Variants in VPS13D observed in about 807,000 individuals in gnomAD.
The protein encoded by VPS13D is vacuolar protein sorting 13 homolog D, also known as intermembrane lipid transfer protein VPS13D.
In VPS13D, 187 loss-of-function variants were observed where a neutral mutation model predicts 461.9. The ratio of observed to expected loss-of-function variants is 0.40; its 90% CI spans 0.36 to 0.46. The LOEUF is 0.46. VPS13D is among the 20% of genes least tolerant of loss of function. The pLI, the probability that VPS13D is intolerant of heterozygous loss-of-function variation, is 0.60. For synonymous variants in VPS13D, 1,951 were observed against 1,986.3 expected (o/e 0.98, Z 0.47); for missense variants, 4,711 against 5,364.9 (o/e 0.88, Z 3.81).
At chr1:12,439,337 G>A (rs1004052375) in intron 65 of VPS13D, among the ~76,000 whole-genome samples, 1 of 152,012 alleles carries the variant, frequency 6.6e-6, no homozygotes, top group Non-Finnish European at 1.5e-5. Context: ...TGCACTCAGT[G>A]TTCTCTTCCT....
chr1:12,484,199 C>T (rs1645765104), intron 67 of VPS13D, among the ~76,000 whole-genome samples: 1 of 152,180 alleles, frequency 6.6e-6, no homozygotes. Context: ...TGCCTGGAGG[C>T]AGGGACCTGC....
In VPS13D at chr1:12,276,891, G is replaced by C. The variant is rs1641631493; in HGVS notation, c.3303G>C (p.Gln1101His). 1 of 1,614,170 alleles carries C rather than the reference G, an allele frequency of 6.2e-7. No individual in the cohort carries two copies. Among genetic ancestry groups the C allele is most frequent in the African/African-American group, 1.3e-5 (1 of 75,046 alleles). ...CGATGAATTTAGACAGTACTCTTCA[G>C]GTGATTTCCCTACAGGTGAATAATT... ...CPSMNLDSTL[Q>H]VISLQVNNLD... The change falls in exon 19 of 70, where the codon CAG (glutamine) becomes CAC (histidine). Residue 1101 changes from glutamine to histidine, a missense_variant. By Grantham distance (24) the Gln-to-His change is conservative (BLOSUM62 0). Transcript: ENST00000620676. The surrounding 1 kb of genome is among the most constrained non-coding windows in gnomAD (Gnocchi z 4.5).
At position 12,301,377 on chromosome 1, in the gene VPS13D, A is replaced by G. The variant is rs564833385; in HGVS notation, c.6216+1993A>G. ...TAGCTATAAGCTTGGGGTTCCCACA[A>G]TGCCTCCTGAGGTTCAGTAATTTGC... On this transcript the variant is annotated intron_variant, in intron 25 of 69. Coordinates refer to ENST00000620676, the MANE Select transcript of VPS13D (RefSeq NM_015378.4). 3.1e-4 allele frequency among the ~76,000 whole-genome samples: 47 copies of G among 152,312 alleles called. No homozygotes were observed. In the South Asian group the frequency reaches 5.6e-3, roughly 18 times the overall value.
chr1:12,249,915 C>A (rs933058107), intron 6 of VPS13D, among the ~76,000 whole-genome samples: 6 of 152,132 alleles, frequency 3.9e-5, no homozygotes, highest in African/African-American at 1.4e-4. Context: ...TTACTGCAGA[C>A]CCCGCTGGGT....
intron 7 of VPS13D, 31 bp from the exon 8 acceptor site, chr1:12,256,302 G>A (rs574702937): frequency 3.1e-5 from 50 of 1,597,624 alleles, no homozygotes; most frequent in Middle Eastern, 2.1e-4. Flanking sequence ...AAAGCCATTC[G>A]GAGCAGAGCA....
rs891665965 is a variant in VPS13D, at chr1:12,346,739, G to A, written c.9069+87G>A. 5.4e-6 allele frequency: 7 copies of A among 1,302,924 alleles called. No homozygotes were observed. The African/African-American group carries it at 1.1e-4, about 20-fold the overall frequency. 80.7% of individuals were successfully genotyped at this position (1,302,924 alleles called of 1,614,324 possible). A position where few individuals can be genotyped will look rare whatever the true frequency, so the allele number is the denominator to read the frequency against. ...GTGGATATACATTTCTTAATGATCAGAGAAACTTTATGACATATATGCGAT... is the reference window on the plus strand; with the variant it reads ...GTGGATATACATTTCTTAATGATCAAAGAAACTTTATGACATATATGCGAT... On this transcript the variant is annotated intron_variant, in intron 44 of 69. Coordinates refer to ENST00000620676, the MANE Select transcript of VPS13D (RefSeq NM_015378.4).
intron 62 of VPS13D, 111 bp downstream of exon 62, chr1:12,401,815 C>A: frequency 1.3e-6 from 1 of 776,582 alleles, no homozygotes; most frequent in Non-Finnish European, 2.1e-6. Context: ...TCCCTTTCCA[C>A]ATCTCAGCCT....
chr1:12,306,195 A>G (rs1642560151), intron 26 of VPS13D, among the ~76,000 whole-genome samples: 1 of 152,184 alleles, frequency 6.6e-6, no homozygotes, highest in Non-Finnish European at 1.5e-5. Context: ...CGTGTTAGCC[A>G]GGATGGTCTC....
At chr1:12,444,051 G>A (rs951691714) in intron 65 of VPS13D, among the ~76,000 whole-genome samples, 1 of 151,968 alleles carries the variant, frequency 6.6e-6, no homozygotes, top group African/African-American at 2.4e-5. Flanking sequence ...CACCATGTTG[G>A]CCAGGCTGGT....
At chr1:12,303,015 C>T (rs1424303769) in intron 25 of VPS13D, among the ~76,000 whole-genome samples, 1 of 152,078 alleles carries the variant, frequency 6.6e-6, no homozygotes, top group Non-Finnish European at 1.5e-5. Context: ...CTGTGAAGTT[C>T]ACCTCCCCAT....
At position 12,415,139 on chromosome 1, in the gene VPS13D, T is replaced by C; in HGVS notation, c.12083T>C (p.Ile4028Thr). 1 of 1,614,118 alleles carries C rather than the reference T, an allele frequency of 6.2e-7. No individual in the cohort carries two copies. The highest frequency in any genetic ancestry group is 8.5e-7 in the Non-Finnish European group (1 of 1,179,996). ...FPLIRFEDAV[I>T]NLDPFTRVHP... ...TTGATACGGTTTGAAGACGCTGTGA[T>C]TAATCTAGATCCATTCACTCGGGTA... Residue 4028 changes from isoleucine (I) to threonine (T), a missense_variant, in exon 64 of 70, where the codon ATT becomes ACT. Coordinates refer to ENST00000620676, the MANE Select transcript of VPS13D (RefSeq NM_015378.4).
chr1:12,460,226 T>C lies in VPS13D; in HGVS notation c.12492T>C (p.Val4164=), dbSNP rs1228065542. ...GTATCATTGGTGGACTGACCAGTGT[T>C]ATAACTTCGACAGTGGAAGGTGTGA... The part of the protein sequence containing the change: ...AHGIIGGLTS[V]ITSTVEGVKT... Residue 4164 remains valine, a synonymous_variant, in exon 67 of 70, where the codon GTT becomes GTC. Coordinates refer to ENST00000620676, the MANE Select transcript of VPS13D (RefSeq NM_015378.4). 2.5e-6 allele frequency: 4 copies of C among 1,608,482 alleles called. No homozygotes were observed. The highest frequency in any genetic ancestry group is 3.4e-6 in the Non-Finnish European group (4 of 1,177,230).
chr1:12,430,389 A>ACAGC (rs1644976759), intron 65 of VPS13D, among the ~76,000 whole-genome samples: 1 of 152,218 alleles, frequency 6.6e-6, no homozygotes, highest in Admixed American at 6.5e-5. Flanking sequence ...CAGGCTCTTT[A>ACAGC]CAGCCCCAAG....
chr1:12,473,182 T>C lies in VPS13D; in HGVS notation c.12662+12786T>C, dbSNP rs986372837. Among the ~76,000 whole-genome samples, 1 of 152,156 alleles carries C rather than the reference T, an allele frequency of 6.6e-6. No homozygotes were observed. Among genetic ancestry groups the C allele is most frequent in the African/African-American group, 2.4e-5 (1 of 41,444 alleles). ...GGGTGCTGATGGGTGTTTTGTAGTT[T>C]CCAAGGGAAGTTGCTGAAAGTTTTC... On this transcript the variant is annotated intron_variant, in intron 67 of 69. Coordinates refer to ENST00000620676, the MANE Select transcript of VPS13D (RefSeq NM_015378.4). The surrounding 1 kb of genome is among the most constrained non-coding windows in gnomAD (Gnocchi z 4.2).
intron 65 of VPS13D, among the ~76,000 whole-genome samples, chr1:12,450,781 C>G (rs980429075): frequency 2.6e-5 from 4 of 152,124 alleles, no homozygotes; most frequent in Admixed American, 2.6e-4. Context: ...TGGGCTTACC[C>G]GGACGTAATC....
At chr1:12,253,682 G>C in intron 6 of VPS13D, 40 bp from the exon 7 acceptor site, 1 of 1,460,382 alleles carries the variant, frequency 6.8e-7, no homozygotes, top group Non-Finnish European at 9.6e-7. Flanking sequence ...CACGAATAAA[G>C]ACAGTCATCC....
rs1203438401 is a variant in VPS13D, at chr1:12,277,717, T to C, written c.4129T>C (p.Leu1377=). 6.2e-7 allele frequency: 1 copy of C among 1,614,106 alleles called. No individual in the cohort carries two copies. The highest frequency in any genetic ancestry group is 8.5e-7 in the Non-Finnish European group (1 of 1,180,052). ...TCATTTGGACACTGTAAAGCTAATC[T>C]TGAACATAAACATTGAATCACCAGT... ...SSHLDTVKLI[L]NINIESPVVS... Residue 1377 remains leucine (L), a synonymous_variant, in exon 19 of 70, where the codon TTG becomes CTG. Coordinates refer to ENST00000620676, the MANE Select transcript of VPS13D (RefSeq NM_015378.4).
intron 63 of VPS13D, among the ~76,000 whole-genome samples, chr1:12,411,273 T>C (rs1433529705): frequency 6.6e-6 from 1 of 152,172 alleles, no homozygotes. Flanking sequence ...CTAGAGACAG[T>C]ATAGAAAACA....
chr1:12,489,834 T>A (rs757407422), intron 67 of VPS13D, among the ~76,000 whole-genome samples: 2 of 152,206 alleles, frequency 1.3e-5, no homozygotes, highest in East Asian at 3.8e-4. Context: ...ACCCCCACTT[T>A]ATAGATGAGA....
Sources: gnomAD v4.1 joint callset for allele counts (sites outside exome capture counted in the v4.1 genomes callset) on GRCh38, gnomAD v4.1.1 for gene constraint, Gnocchi (gnomAD v3.1) non-coding constraint, MANE v1.5 for transcripts, NCBI Gene and HGNC (gene_info 2026-07-23, HGNC 2026-07-21) for gene names.